Variants in FAM135B observed in about 807,000 individuals in gnomAD.
The protein encoded by FAM135B is protein FAM135B.
FAM135B carries 43 observed loss-of-function variants against 127.7 expected under a neutral mutation model. That is an observed-to-expected ratio of 0.34 (90% CI 0.26 to 0.43). The LOEUF (loss-of-function observed/expected upper bound fraction) is 0.43. Ranked by LOEUF, FAM135B falls within the 20% of genes least tolerant of loss-of-function variation. The pLI is 1.00. For synonymous variants in FAM135B, 670 were observed against 665.1 expected (o/e 1.01, Z -0.11); for missense variants, 1,558 against 1,725.6 (o/e 0.90, Z 1.72).
At chr8:138,362,283 CTTTTTTT>C (rs34005300) in intron 2 of FAM135B, among the ~76,000 whole-genome samples, 5 of 99,180 alleles carry the variant, frequency 5.0e-5, no homozygotes, top group African/African-American at 1.9e-4. Flanking sequence ...ACCCCCATAT[CTTTTTTT>C]TTTTTTTTTT....
At chr8:138,409,611 C>T (rs1833735426) in intron 1 of FAM135B, among the ~76,000 whole-genome samples, 1 of 152,116 alleles carries the variant, frequency 6.6e-6, no homozygotes, top group Non-Finnish European at 1.5e-5. Context: ...CATGTTGGCT[C>T]ATGCCTGTAA....
intron 1 of FAM135B, among the ~76,000 whole-genome samples, chr8:138,398,161 G>GA (rs1832950636): frequency 2.6e-5 from 4 of 152,166 alleles, no homozygotes; most frequent in Admixed American, 6.5e-5. Context: ...TCTGTAAAAT[G>GA]GAAATGGCAC....
At chr8:138,375,387 G>T (rs1218813246) in intron 1 of FAM135B, among the ~76,000 whole-genome samples, 1 of 151,614 alleles carries the variant, frequency 6.6e-6, no homozygotes, top group South Asian at 2.1e-4. Context: ...CTGTGTGTTT[G>T]TGTGTGTGTG....
chr8:138,134,751 T>C (rs890883783), intron 19 of FAM135B, among the ~76,000 whole-genome samples: 1 of 152,196 alleles, frequency 6.6e-6, no homozygotes, highest in African/African-American at 2.4e-5. Context: ...ATCTGTTTAA[T>C]TCACCAATTA....
At chr8:138,464,715 C>G (rs1296460048) in intron 1 of FAM135B, among the ~76,000 whole-genome samples, 2 of 152,142 alleles carry the variant, frequency 1.3e-5, no homozygotes. Flanking sequence ...TGACAGTGGG[C>G]CCACTGCCCA....
chr8:138,495,394 G>C lies in FAM135B; in HGVS notation c.-20+1277C>G, dbSNP rs1350071249. 2.6e-5 allele frequency among the ~76,000 whole-genome samples: 4 copies of C among 152,286 alleles called. No homozygotes were observed. The South Asian group carries it at 6.2e-4, about 24-fold the overall frequency. ...CCTCTACACCTAACCATCTGTCTAA[G>C]CTCTGATAACATCATCCATATTATG... On this transcript the variant is annotated intron_variant, in intron 1 of 19. Coordinates refer to ENST00000395297, the MANE Select transcript of FAM135B (RefSeq NM_015912.4).
At chr8:138,226,150 CGTGTGTGTGTGTGTGT>C (rs72185111) in intron 7 of FAM135B, among the ~76,000 whole-genome samples, 3 of 133,522 alleles carry the variant, frequency 2.2e-5, no homozygotes, top group Non-Finnish European at 3.2e-5. Context: ...GGGGACCCAC[CGTGTGTGTGTGTGTGT>C]GTGTGTGTGT....
intron 2 of FAM135B, among the ~76,000 whole-genome samples, chr8:138,347,106 A>AGAATGAATGAATGAAT (rs143057372): frequency 6.6e-6 from 1 of 151,072 alleles, no homozygotes; most frequent in African/African-American, 2.4e-5. Flanking sequence ...AACAAAAGGA[A>AGAATGAATGAATGAAT]GAATGAATGA....
intron 1 of FAM135B, among the ~76,000 whole-genome samples, chr8:138,472,382 G>A (rs1015676747): frequency 6.6e-6 from 1 of 152,108 alleles, no homozygotes; most frequent in South Asian, 2.1e-4. Flanking sequence ...CTTAGAAAGA[G>A]GTCCATTCTT....
chr8:138,291,498 T>A (rs563245466), intron 3 of FAM135B, among the ~76,000 whole-genome samples: 339 of 152,102 alleles, frequency 2.2e-3, no homozygotes, highest in South Asian at 0.019. Flanking sequence ...AAGAAAAAAA[T>A]ATATAGACCA....
chr8:138,378,991 G>A (rs954269151), intron 1 of FAM135B, among the ~76,000 whole-genome samples: 1 of 152,164 alleles, frequency 6.6e-6, no homozygotes, highest in Non-Finnish European at 1.5e-5. Context: ...CAGCTCTCAG[G>A]CATGGAGCCT....
chr8:138,327,705 G>A (rs1038916051), intron 2 of FAM135B, among the ~76,000 whole-genome samples: 1 of 152,194 alleles, frequency 6.6e-6, no homozygotes, highest in Non-Finnish European at 1.5e-5. Flanking sequence ...ACTAGTCCCT[G>A]ACTTGGAGGA....
chr8:138,431,622 G>T (rs2131507647), intron 1 of FAM135B, among the ~76,000 whole-genome samples: 1 of 152,186 alleles, frequency 6.6e-6, no homozygotes, highest in Non-Finnish European at 1.5e-5. Flanking sequence ...TTCCTATCTA[G>T]CCTTTAACAG....
chr8:138,274,765 A>G (rs1823677503), intron 3 of FAM135B, among the ~76,000 whole-genome samples: 1 of 152,144 alleles, frequency 6.6e-6, no homozygotes, highest in Non-Finnish European at 1.5e-5. Context: ...GAATTCAGCA[A>G]TATTTCTCCC....
intron 11 of FAM135B, among the ~76,000 whole-genome samples, chr8:138,174,242 G>C (rs901709824): frequency 3.3e-5 from 5 of 152,130 alleles, no homozygotes; most frequent in African/African-American, 1.2e-4. Flanking sequence ...ATCTGAGCTC[G>C]AACAAGATGG....
chr8:138,410,668 G>A (rs569939250), intron 1 of FAM135B, among the ~76,000 whole-genome samples: 6 of 152,246 alleles, frequency 3.9e-5, no homozygotes, highest in African/African-American at 7.2e-5. Context: ...AAAAGCATTC[G>A]CTCATACACT....
intron 2 of FAM135B, among the ~76,000 whole-genome samples, chr8:138,319,924 CAG>C (rs1382556735): frequency 2.0e-5 from 3 of 152,074 alleles, no homozygotes; most frequent in Non-Finnish European, 4.4e-5. Flanking sequence ...AGGCAAGAGA[CAG>C]AGAGAGAGGG....
chr8:138,376,715 TG>T (rs1251166415), intron 1 of FAM135B, among the ~76,000 whole-genome samples: 2 of 152,164 alleles, frequency 1.3e-5, no homozygotes, highest in Non-Finnish European at 2.9e-5. Context: ...TGCATTAGGG[TG>T]GCACTGAGGA....
intron 2 of FAM135B, among the ~76,000 whole-genome samples, chr8:138,326,490 T>G (rs1318778858): frequency 6.6e-6 from 1 of 152,100 alleles, no homozygotes; most frequent in Non-Finnish European, 1.5e-5. Context: ...CACGAGTAAT[T>G]TAAAACCTCA....
Sources: allele counts gnomAD v4.1 joint callset (sites outside exome capture counted in the v4.1 genomes callset), GRCh38; gene constraint gnomAD v4.1.1; transcripts MANE v1.5; gene names NCBI Gene and HGNC (gene_info 2026-07-23, HGNC 2026-07-21).